Variants in NSMCE2 observed in about 807,000 individuals in gnomAD.
NSMCE2 encodes the protein E3 SUMO-protein ligase NSE2.
In NSMCE2, 24 loss-of-function variants were observed where a neutral mutation model predicts 23.8. The observed-to-expected ratio is 1.01, with a 90% CI of 0.73 to 1.42. The LOEUF (loss-of-function observed/expected upper bound fraction) is 1.42. Among genes scored for constraint, NSMCE2 ranks in the 40% most tolerant of loss-of-function variants. The pLI, the probability that NSMCE2 is intolerant of heterozygous loss-of-function variation, is 0.00. For synonymous variants in NSMCE2, 92 were observed against 94.1 expected (o/e 0.98, Z 0.13); for missense variants, 284 against 296.5 (o/e 0.96, Z 0.31).
At position 125,189,464 on chromosome 8, in the gene NSMCE2, A is replaced by T. The variant is rs148971345; in HGVS notation, c.418+7208A>T. On this transcript the variant is annotated intron_variant, in intron 5 of 7. Transcript: ENST00000287437. ...CTAAAACTTGCCTGGGCCTGTCCAG[A>T]CATGCCTAAATAAGCCAAAGCAACT... 3.4e-3 allele frequency among the ~76,000 whole-genome samples: 525 copies of T among 152,382 alleles called. 2 individuals are homozygous for T. Among genetic ancestry groups the T allele is most frequent in the Non-Finnish European group, 6.2e-3 (419 of 68,030 alleles).
At chr8:125,306,905 G>T (rs1286742805) in intron 5 of NSMCE2, among the ~76,000 whole-genome samples, 1 of 152,348 alleles carries the variant, frequency 6.6e-6, no homozygotes, top group Non-Finnish European at 1.5e-5. Context: ...TTAGCATTAT[G>T]TGAGGAATAA....
At chr8:125,238,809 A>G (rs1019918983) in intron 5 of NSMCE2, among the ~76,000 whole-genome samples, 1 of 152,202 alleles carries the variant, frequency 6.6e-6, no homozygotes, top group African/African-American at 2.4e-5. Flanking sequence ...AAAATTCTTA[A>G]TTGTTCTAAC....
chr8:125,295,369 G>A (rs1828280826), intron 5 of NSMCE2, among the ~76,000 whole-genome samples: 1 of 152,054 alleles, frequency 6.6e-6, no homozygotes, highest in Admixed American at 6.6e-5. Context: ...ATCCAAAAGG[G>A]CCATTTGATA....
At chr8:125,173,141 T>C (rs1238418458) in intron 4 of NSMCE2, among the ~76,000 whole-genome samples, 4 of 152,224 alleles carry the variant, frequency 2.6e-5, no homozygotes, top group Admixed American at 2.6e-4. Context: ...CCTCCCTTTT[T>C]GTCCCTGTTC....
intron 5 of NSMCE2, among the ~76,000 whole-genome samples, chr8:125,326,382 A>G (rs78745155): frequency 0.1 from 15,523 of 152,248 alleles, 873 homozygotes; most frequent in Non-Finnish European, 0.13. Flanking sequence ...CTTTGAGTAA[A>G]AATAGGCATT....
intron 4 of NSMCE2, among the ~76,000 whole-genome samples, chr8:125,165,362 A>T (rs1821824909): frequency 6.6e-6 from 1 of 152,258 alleles, no homozygotes; most frequent in Admixed American, 6.5e-5. Flanking sequence ...AAGCTGGTTT[A>T]AAAACATTTA....
chr8:125,331,204 G>C (rs1196220889), intron 5 of NSMCE2, among the ~76,000 whole-genome samples: 1 of 152,202 alleles, frequency 6.6e-6, no homozygotes, highest in Non-Finnish European at 1.5e-5. Flanking sequence ...GGAGGCTGAG[G>C]CAGGAGAATG....
chr8:125,156,881 G>A (rs912060814), intron 4 of NSMCE2, among the ~76,000 whole-genome samples: 1 of 152,056 alleles, frequency 6.6e-6, no homozygotes, highest in African/African-American at 2.4e-5. Flanking sequence ...TTTTCTTACT[G>A]TGCAGTTACC....
chr8:125,339,114 G>A (rs947140523), intron 5 of NSMCE2, among the ~76,000 whole-genome samples: 23 of 152,166 alleles, frequency 1.5e-4, no homozygotes, highest in African/African-American at 5.3e-4. Context: ...GTTGCTGTTG[G>A]AGGAAGGGAC....
At chr8:125,133,953 A>G (rs757373149) in intron 3 of NSMCE2, among the ~76,000 whole-genome samples, 5 of 151,860 alleles carry the variant, frequency 3.3e-5, no homozygotes, top group Admixed American at 1.3e-4. Context: ...CTGGGCTCCA[A>G]CCCCCAAGGC....
At chr8:125,214,118 C>G (rs900030287) in intron 5 of NSMCE2, among the ~76,000 whole-genome samples, 3 of 152,064 alleles carry the variant, frequency 2.0e-5, no homozygotes, top group African/African-American at 7.2e-5. Context: ...ATATCATTCC[C>G]CTAAGTACTC....
intron 1 of NSMCE2, among the ~76,000 whole-genome samples, chr8:125,097,458 C>T (rs1401024383): frequency 2.0e-5 from 3 of 152,176 alleles, no homozygotes; most frequent in South Asian, 2.1e-4. Context: ...CTCATCTCAT[C>T]GTTTACTACC....
intron 5 of NSMCE2, among the ~76,000 whole-genome samples, chr8:125,355,688 AG>A (rs1813233860): frequency 1.5e-5 from 2 of 137,378 alleles, no homozygotes; most frequent in South Asian, 4.9e-4. Context: ...TGACAGAGCG[AG>A]ACTCCATCTC....
At chr8:125,362,930 A>G (rs2129657970) in intron 7 of NSMCE2, 1 of 152,224 alleles carries the variant, frequency 6.6e-6, no homozygotes, top group Middle Eastern at 3.4e-3. Flanking sequence ...CCATGATGTC[A>G]TCAGGAAGTC....
At chr8:125,340,542 C>G (rs966228818) in intron 5 of NSMCE2, among the ~76,000 whole-genome samples, 1 of 152,198 alleles carries the variant, frequency 6.6e-6, no homozygotes, top group Admixed American at 6.5e-5. Flanking sequence ...CCTGCTTTGC[C>G]ATTTTGATCT....
At chr8:125,228,855 A>G (rs965288341) in intron 5 of NSMCE2, among the ~76,000 whole-genome samples, 1 of 152,148 alleles carries the variant, frequency 6.6e-6, no homozygotes, top group Non-Finnish European at 1.5e-5. Context: ...TGAACTATGT[A>G]TGTGGCCACT....
intron 3 of NSMCE2, among the ~76,000 whole-genome samples, chr8:125,138,488 A>G (rs1331262160): frequency 6.6e-6 from 1 of 152,030 alleles, no homozygotes; most frequent in African/African-American, 2.4e-5. Context: ...GGCTTCTCAA[A>G]GTGCTGGGAT....
intron 3 of NSMCE2, among the ~76,000 whole-genome samples, chr8:125,144,344 A>G (rs946966968): frequency 1.3e-5 from 2 of 152,180 alleles, no homozygotes; most frequent in Non-Finnish European, 1.5e-5. Flanking sequence ...TGAAAGTTTG[A>G]TTGGTCTGTT....
At chr8:125,232,678 A>T (rs1181383732) in intron 5 of NSMCE2, among the ~76,000 whole-genome samples, 2 of 152,170 alleles carry the variant, frequency 1.3e-5, no homozygotes, top group Non-Finnish European at 2.9e-5. Context: ...AACATTGGGC[A>T]ACTCATAGCC....
Sources: allele counts gnomAD v4.1 joint callset (sites outside exome capture counted in the v4.1 genomes callset), GRCh38; gene constraint gnomAD v4.1.1; transcripts MANE v1.5; gene names NCBI Gene and HGNC (gene_info 2026-07-23, HGNC 2026-07-21).